CACNA1A: variants seen among roughly 807,000 people sequenced by gnomAD.
CACNA1A encodes calcium voltage-gated channel subunit alpha1 A.
Under a neutral mutation model 262.4 loss-of-function variants are expected in CACNA1A, and 57 were observed. That is an observed-to-expected ratio of 0.22 (90% CI 0.18 to 0.27). The LOEUF is 0.27. Ranked by LOEUF, CACNA1A falls within the 10% of genes least tolerant of loss-of-function variation. The pLI is 1.00. For missense variants in CACNA1A, 2,526 were observed against 3,562.8 expected, an observed-to-expected ratio of 0.71 and a Z score of 7.41; for synonymous variants, 1,431 against 1,419.3, an observed-to-expected ratio of 1.01 and a Z score of -0.18.
chr19:13,249,983 C>G (rs1465334365), intron 30 of CACNA1A, among the ~76,000 whole-genome samples: 1 of 152,236 alleles, frequency 6.6e-6, no homozygotes, highest in East Asian at 1.9e-4. Context: ...CAAGTCCCAC[C>G]TTGGCCACTC....
intron 3 of CACNA1A, chr19:13,450,226 C>G (rs2060891364): frequency 6.6e-6 from 1 of 151,164 alleles, no homozygotes; most frequent in Non-Finnish European, 1.5e-5. Context: ...TCTCCCCATT[C>G]TTCTGGTCAC....
At chr19:13,446,253 A>T (rs1291600773) in intron 3 of CACNA1A, among the ~76,000 whole-genome samples, 1 of 109,480 alleles carries the variant, frequency 9.1e-6, no homozygotes, top group Non-Finnish European at 1.7e-5. Context: ...CTGTCCCGAA[A>T]AAAAAAAAAA....
chr19:13,382,034 G>T (rs1358014170), intron 3 of CACNA1A, among the ~76,000 whole-genome samples: 2 of 152,150 alleles, frequency 1.3e-5, no homozygotes, highest in Non-Finnish European at 2.9e-5. Flanking sequence ...CTGCATTGAC[G>T]CAGTTGAACG....
chr19:13,448,453 A>G (rs2060856999), intron 3 of CACNA1A, among the ~76,000 whole-genome samples: 1 of 152,168 alleles, frequency 6.6e-6, no homozygotes, highest in South Asian at 2.1e-4. Flanking sequence ...CCCCCAAGAC[A>G]CAAGTTTACC....
At chr19:13,309,004 T>C (rs1311628867) in intron 12 of CACNA1A, among the ~76,000 whole-genome samples, 1 of 151,696 alleles carries the variant, frequency 6.6e-6, no homozygotes, top group Non-Finnish European at 1.5e-5. Flanking sequence ...TATTTATTTA[T>C]TTTTATTTAT....
chr19:13,474,464 CAGGGGAGGAACAGGCAA>C (rs1464243312), intron 1 of CACNA1A, among the ~76,000 whole-genome samples: 17 of 152,062 alleles, frequency 1.1e-4, no homozygotes, highest in Admixed American at 1.1e-3. Flanking sequence ...GTGGGGTGAG[CAGGGGAGGAACAGGCAA>C]AGGGGAGGTG....
At chr19:13,216,547 C>CG (rs2055016666) in intron 38 of CACNA1A, among the ~76,000 whole-genome samples, 1 of 151,992 alleles carries the variant, frequency 6.6e-6, no homozygotes, top group South Asian at 2.1e-4. Context: ...AGGCTGGTCT[C>CG]GAACTCCTGA....
At chr19:13,404,737 TG>T (rs1160093654) in intron 3 of CACNA1A, among the ~76,000 whole-genome samples, 1 of 152,084 alleles carries the variant, frequency 6.6e-6, no homozygotes, top group East Asian at 1.9e-4. Flanking sequence ...TTTCCAGAAA[TG>T]AGCTAACTAA....
chr19:13,490,752 AGAAG>A (rs1363604676), intron 1 of CACNA1A, among the ~76,000 whole-genome samples: 4 of 149,272 alleles, frequency 2.7e-5, no homozygotes, highest in African/African-American at 1.0e-4. Context: ...AAGAAAGAAA[AGAAG>A]GAAGAAGAGA....
Position 13,455,097 on chromosome 19 carries a change from C to T in CACNA1A, c.399+10G>A. The stretch of plus-strand genomic sequence containing the variant: ...CCAAGGAGAAGACCCTGAGAAAAGA[C>T]ATCACTCACCAGCCGTTCAGACATC... On this transcript the variant is annotated intron_variant, in intron 2 of 46. Coordinates refer to ENST00000360228, the MANE Select transcript of CACNA1A (RefSeq NM_001127222.2). 3 of 1,551,572 alleles carry T rather than the reference C, an allele frequency of 1.9e-6. No homozygotes were observed. Among genetic ancestry groups the T allele is most frequent in the Non-Finnish European group, 2.7e-6 (3 of 1,123,838 alleles).
chr19:13,209,233 G>A, intron 45 of CACNA1A, 79 bp downstream of exon 45: 1 of 1,408,640 alleles, frequency 7.1e-7, no homozygotes, highest in East Asian at 2.5e-5. Context: ...TTCTTCCTTA[G>A]TGTCTCCTCC....
intron 32 of CACNA1A, 131 bp downstream of exon 32, chr19:13,235,483 G>A: frequency 1.3e-6 from 1 of 787,396 alleles, no homozygotes; most frequent in South Asian, 1.5e-5. Context: ...TTTGACAACA[G>A]CCTTGGAGAT....
At chr19:13,342,820 T>G (rs568000025) in intron 6 of CACNA1A, among the ~76,000 whole-genome samples, 5 of 152,300 alleles carry the variant, frequency 3.3e-5, no homozygotes, top group Admixed American at 6.5e-5. Flanking sequence ...ACTGGACATG[T>G]AGCATGAGCA....
chr19:13,277,096 G>T lies in CACNA1A; in HGVS notation c.3855C>A (p.Gly1285=), dbSNP rs545826814. 8.1e-6 allele frequency: 13 copies of T among 1,611,930 alleles called. No homozygotes were observed. Among genetic ancestry groups the T allele is most frequent in the Non-Finnish European group, 1.0e-5 (12 of 1,178,336 alleles). The change falls in exon 23 of 47, where the codon GGC becomes GGA. Residue 1285 remains glycine, a synonymous_variant. Transcript: ENST00000360228. The part of the protein sequence containing the change: ...VLRYFDYVFT[G]VFTFEMVIKM... ...TGATCACCATCTCAAAGGTAAAGAC[G>T]CCTGTAAAAACGTAGTCAAAGTATC...
At chr19:13,501,049 G>A (rs1982318260) in intron 1 of CACNA1A, among the ~76,000 whole-genome samples, 1 of 152,090 alleles carries the variant, frequency 6.6e-6, no homozygotes, top group Non-Finnish European at 1.5e-5. Flanking sequence ...ACTCAAGAGG[G>A]GCACTGTGGG....
intron 38 of CACNA1A, among the ~76,000 whole-genome samples, chr19:13,222,145 G>A (rs2055255177): frequency 1.3e-5 from 2 of 151,990 alleles, no homozygotes; most frequent in South Asian, 4.1e-4. Context: ...GACCTCAAGT[G>A]ATCCACCCGC....
intron 6 of CACNA1A, among the ~76,000 whole-genome samples, chr19:13,353,098 T>C (rs1329273030): frequency 1.3e-5 from 2 of 150,940 alleles, no homozygotes; most frequent in South Asian, 4.2e-4. Context: ...TAAAAACTTG[T>C]TTCTCCCACT....
chr19:13,209,603 G>T, intron 44 of CACNA1A, 105 bp from the exon 45 acceptor site: 1 of 836,472 alleles, frequency 1.2e-6, no homozygotes, highest in Non-Finnish European at 1.6e-6. Context: ...TTCGGTGACT[G>T]CGGTGTGACC....
chr19:13,263,889 A>G (rs1048825317), intron 24 of CACNA1A, among the ~76,000 whole-genome samples: 2 of 151,990 alleles, frequency 1.3e-5, no homozygotes, highest in South Asian at 2.1e-4. Flanking sequence ...CCCCCTTCCA[A>G]TGGGATTCTG....
Sources: allele counts gnomAD v4.1 joint callset (sites outside exome capture counted in the v4.1 genomes callset), GRCh38; gene constraint gnomAD v4.1.1; transcripts MANE v1.5; gene names NCBI Gene and HGNC (gene_info 2026-07-23, HGNC 2026-07-21).